TAFA2: variants seen among roughly 807,000 people sequenced by gnomAD.
The protein encoded by TAFA2 is TAFA chemokine like family member 2, also known as chemokine-like protein TAFA-2.
Under a neutral mutation model 18.8 loss-of-function variants are expected in TAFA2, and 7 were observed. The ratio of observed to expected loss-of-function variants is 0.37; its 90% CI spans 0.21 to 0.70. The LOEUF (loss-of-function observed/expected upper bound fraction) is 0.70, where lower values mean the gene tolerates loss of function less well. Ranked by LOEUF, TAFA2 falls within the 30% of genes least tolerant of loss-of-function variation. The pLI is 0.53. For missense variants in TAFA2, 122 were observed against 158.1 expected (o/e 0.77, Z 1.23); for synonymous variants, 60 against 54.2 (o/e 1.11, Z -0.47).
chr12:62,196,705 G>A (rs945748257), upstream of TAFA2, among the ~76,000 whole-genome samples: 6 of 152,018 alleles, frequency 3.9e-5, no homozygotes, highest in Admixed American at 1.3e-4. Flanking sequence ...AGTGATCACA[G>A]ACCGCCATAA....
chr12:62,021,101 T>C (rs1471426848), intron 1 of TAFA2, among the ~76,000 whole-genome samples: 2 of 152,162 alleles, frequency 1.3e-5, no homozygotes, highest in South Asian at 2.1e-4. Flanking sequence ...CTAATTTCTA[T>C]ACTAAATACT....
intron 1 of TAFA2, among the ~76,000 whole-genome samples, chr12:62,120,666 A>G (rs2136878815): frequency 6.6e-6 from 1 of 152,198 alleles, no homozygotes; most frequent in Middle Eastern, 3.4e-3. Flanking sequence ...CAGCATGACC[A>G]GCTTCACATA....
chr12:61,755,746 T>G (rs577338335), intron 2 of TAFA2, among the ~76,000 whole-genome samples: 1 of 152,130 alleles, frequency 6.6e-6, no homozygotes, highest in Non-Finnish European at 1.5e-5. Context: ...ATATTCATTT[T>G]GTCAACCTTG....
intron 2 of TAFA2, among the ~76,000 whole-genome samples, chr12:61,758,192 G>A (rs1869366745): frequency 6.6e-6 from 1 of 152,038 alleles, no homozygotes; most frequent in African/African-American, 2.4e-5. Flanking sequence ...AGTAGAGAAG[G>A]AAAGGTAAGG....
chr12:62,171,520 G>C (rs1294675585), intron 1 of TAFA2, among the ~76,000 whole-genome samples: 2 of 152,130 alleles, frequency 1.3e-5, no homozygotes, highest in Non-Finnish European at 2.9e-5. Context: ...TTAGGAGATG[G>C]AGCCTTTGGG....
Position 61,993,997 on chromosome 12 carries a change from A to T in TAFA2, c.-1-126571T>A, listed in dbSNP as rs112059210. On this transcript the variant is annotated intron_variant, in intron 1 of 4. Coordinates refer to ENST00000416284, the MANE Select transcript of TAFA2 (RefSeq NM_178539.5). ...GACACTGAAAACCTCTCACAACCAG[A>T]TCCTGCTCTCTACATACTAATGGTC... Among the ~76,000 whole-genome samples the T allele has an allele frequency of 2.0e-4, 30 of 152,230 alleles. 1 individual carries two copies. Among genetic ancestry groups the T allele is most frequent in the African/African-American group, 7.0e-4 (29 of 41,538 alleles).
intron 1 of TAFA2, among the ~76,000 whole-genome samples, chr12:62,256,622 G>C (rs2062940402): frequency 6.6e-6 from 1 of 152,214 alleles, no homozygotes; most frequent in Non-Finnish European, 1.5e-5. Flanking sequence ...CTGAGCCAGA[G>C]TCAAAATCCA....
chr12:62,242,476 C>T (rs1291945218), intron 1 of TAFA2: 3 of 152,718 alleles, frequency 2.0e-5, no homozygotes, highest in African/African-American at 7.2e-5. Flanking sequence ...TCTCTGTCAC[C>T]CATGCTGGAC....
intron 2 of TAFA2, among the ~76,000 whole-genome samples, chr12:61,836,108 C>T (rs1023196638): frequency 1.1e-4 from 16 of 151,856 alleles, no homozygotes; most frequent in African/African-American, 3.9e-4. Flanking sequence ...CTACTTGCTC[C>T]TACTGGTTAA....
At chr12:61,779,895 T>C (rs1273705032) in intron 2 of TAFA2, among the ~76,000 whole-genome samples, 1 of 151,748 alleles carries the variant, frequency 6.6e-6, no homozygotes, top group Non-Finnish European at 1.5e-5. Context: ...TTTATGACTA[T>C]AAATATTAAT....
intron 1 of TAFA2, among the ~76,000 whole-genome samples, chr12:62,045,435 T>C (rs1881884038): frequency 6.6e-6 from 1 of 152,176 alleles, no homozygotes; most frequent in African/African-American, 2.4e-5. Context: ...AATCCAGATT[T>C]CATCACACGA....
intron 2 of TAFA2, among the ~76,000 whole-genome samples, chr12:61,807,108 T>C (rs927356856): frequency 5.4e-5 from 8 of 148,456 alleles, no homozygotes; most frequent in African/African-American, 2.1e-4. Context: ...ATGTCAGACG[T>C]CTTCATAGCA....
intron 1 of TAFA2, among the ~76,000 whole-genome samples, chr12:62,017,082 C>A (rs1042852727): frequency 1.3e-5 from 2 of 152,188 alleles, no homozygotes; most frequent in Non-Finnish European, 2.9e-5. Context: ...CCCAGCTAAT[C>A]TTCACAAGCC....
chr12:61,888,785 T>C (rs1435973600), intron 1 of TAFA2, among the ~76,000 whole-genome samples: 1 of 152,202 alleles, frequency 6.6e-6, no homozygotes, highest in Non-Finnish European at 1.5e-5. Flanking sequence ...TGGACTGACA[T>C]GTGGTAATTG....
At chr12:62,249,243 CT>C (rs1351999791) in intron 1 of TAFA2, among the ~76,000 whole-genome samples, 1 of 141,410 alleles carries the variant, frequency 7.1e-6, no homozygotes, top group Non-Finnish European at 1.5e-5. Context: ...TGGTAAACAA[CT>C]TAGGGACTGC....
chr12:62,028,317 C>T (rs1358174489), intron 1 of TAFA2, among the ~76,000 whole-genome samples: 8 of 152,104 alleles, frequency 5.3e-5, no homozygotes, highest in Non-Finnish European at 1.0e-4. Flanking sequence ...CAGCTAGACC[C>T]GTGACAGAAA....
rs758873243 is a variant in TAFA2, at chr12:61,872,438, C to A, written c.-1-5012G>T. Among the ~76,000 whole-genome samples the A allele has an allele frequency of 5.3e-4, 80 of 152,110 alleles. No homozygotes were observed. The Middle Eastern group carries it at 0.014, about 26-fold the overall frequency. On this transcript the variant is annotated intron_variant, in intron 1 of 4. Coordinates refer to ENST00000416284, the MANE Select transcript of TAFA2 (RefSeq NM_178539.5). ...AAAAATTCGCCCTTAGGGTAGAATG[C>A]GCGGTGGATTAGTCACGTGCCCCTT...
chr12:61,951,328 T>A (rs1304856519), intron 1 of TAFA2, among the ~76,000 whole-genome samples: 1 of 152,110 alleles, frequency 6.6e-6, no homozygotes, highest in Non-Finnish European at 1.5e-5. Context: ...AAAGATTTTG[T>A]AAAACAAAAT....
intron 2 of TAFA2, among the ~76,000 whole-genome samples, chr12:61,783,084 T>A (rs1870573293): frequency 6.6e-6 from 1 of 151,614 alleles, no homozygotes; most frequent in Non-Finnish European, 1.5e-5. Flanking sequence ...TACTTTTACA[T>A]CAAAGGGTCA....
Sources: gnomAD v4.1 joint callset for allele counts (sites outside exome capture counted in the v4.1 genomes callset) on GRCh38, gnomAD v4.1.1 for gene constraint, MANE v1.5 for transcripts, NCBI Gene and HGNC (gene_info 2026-07-23, HGNC 2026-07-21) for gene names.